The following GTF2E1 variants were observed in gnomAD, a reference collection of about 807,000 sequenced individuals.
GTF2E1 encodes general transcription factor IIE subunit 1.
In GTF2E1, 14 loss-of-function variants were observed where a neutral mutation model predicts 34.9. The ratio of observed to expected loss-of-function variants is 0.40; its 90% confidence interval spans 0.27 to 0.63. GTF2E1 has a LOEUF of 0.63. Ranked by LOEUF, GTF2E1 falls within the 20% of genes least tolerant of loss-of-function variation. GTF2E1 has a pLI of 0.39. For missense variants in GTF2E1, 469 were observed against 557.7 expected (o/e 0.84, Z 1.60); for synonymous variants, 188 against 192.9 (o/e 0.97, Z 0.21).
chr3:120,770,949 T>C lies in GTF2E1; in HGVS notation c.650+20T>C, dbSNP rs1709345907. ...ACAGAGGTGAGTGTAGGCCCTGTGC[T>C]CTTACTAAGAACACATTTCAACCTG... On this transcript the variant is annotated intron_variant, in intron 3 of 4. Coordinates refer to ENST00000283875, the MANE Select transcript of GTF2E1 (RefSeq NM_005513.3). 1 of 1,597,278 alleles carries C rather than the reference T, an allele frequency of 6.3e-7. No individual in the cohort carries two copies.
chr3:120,780,862 A>T (rs1709440638), intron 4 of GTF2E1, among the ~76,000 whole-genome samples, 181 bp from the exon 5 acceptor site: 1 of 152,224 alleles, frequency 6.6e-6, no homozygotes. Context: ...CCATTATGCT[A>T]CTTAAGCTCC....
chr3:120,778,025 G>C (rs1286228497), intron 4 of GTF2E1, among the ~76,000 whole-genome samples: 1 of 152,154 alleles, frequency 6.6e-6, no homozygotes, highest in Non-Finnish European at 1.5e-5. Flanking sequence ...TGCCCAGCCT[G>C]TTGTGTTATT....
intron 2 of GTF2E1, among the ~76,000 whole-genome samples, chr3:120,752,940 G>A (rs1709178025): frequency 6.6e-6 from 1 of 152,144 alleles, no homozygotes; most frequent in Admixed American, 6.5e-5. Flanking sequence ...ATGTCCTACA[G>A]TAAAGCCTGA....
intron 2 of GTF2E1, among the ~76,000 whole-genome samples, chr3:120,759,704 C>G (rs1709241252): frequency 6.6e-6 from 1 of 152,142 alleles, no homozygotes; most frequent in Non-Finnish European, 1.5e-5. Flanking sequence ...GAATCTTTTC[C>G]TCATTTCTTG....
intron 3 of GTF2E1, among the ~76,000 whole-genome samples, chr3:120,771,844 C>T (rs1205935027): frequency 6.6e-6 from 1 of 152,150 alleles, no homozygotes; most frequent in East Asian, 1.9e-4. Flanking sequence ...AGTTAGGATG[C>T]CTTTGCCTGT....
intron 4 of GTF2E1, among the ~76,000 whole-genome samples, chr3:120,778,720 T>A (rs1043790213): frequency 3.3e-5 from 5 of 152,192 alleles, no homozygotes; most frequent in Admixed American, 1.3e-4. Flanking sequence ...TTACTTGAGA[T>A]TTTGTTTGTT....
At chr3:120,755,365 A>G (rs1438038998) in intron 2 of GTF2E1, among the ~76,000 whole-genome samples, 1 of 152,176 alleles carries the variant, frequency 6.6e-6, no homozygotes, top group Non-Finnish European at 1.5e-5. Context: ...AACATTTAAA[A>G]ATTTTTAAGA....
intron 4 of GTF2E1, among the ~76,000 whole-genome samples, chr3:120,779,756 A>G (rs1709431393): frequency 6.6e-6 from 1 of 152,218 alleles, no homozygotes; most frequent in South Asian, 2.1e-4. Context: ...CCCCACAGTA[A>G]TCTAGTGAAG....
intron 4 of GTF2E1, among the ~76,000 whole-genome samples, chr3:120,777,884 C>T (rs1205685786): frequency 2.0e-5 from 3 of 152,146 alleles, no homozygotes; most frequent in Admixed American, 2.0e-4. Flanking sequence ...CCACCATGGC[C>T]AGCTAATTTT....
chr3:120,742,757 G>C lies in GTF2E1; in HGVS notation c.-68G>C, dbSNP rs921401274. The stretch of plus-strand genomic sequence containing the variant: ...ATTTAAGCCGGTAGTTGAAGCGCTG[G>C]GGGCAGCTGTAGTGGGAGTGTTCCA... On this transcript the variant is annotated 5_prime_UTR_variant, in exon 1 of 5. Transcript: ENST00000283875. 4 of 553,054 alleles carry C rather than the reference G, an allele frequency of 7.2e-6. No individual in the cohort carries two copies. Among genetic ancestry groups the C allele is most frequent in the African/African-American group, 3.8e-5 (2 of 52,866 alleles). 34.3% of individuals were successfully genotyped at this position (553,054 alleles called of 1,614,324 possible).
At chr3:120,767,937 C>A (rs1194161348) in intron 2 of GTF2E1, among the ~76,000 whole-genome samples, 1 of 99,014 alleles carries the variant, frequency 1.0e-5, no homozygotes, top group East Asian at 4.8e-4. Context: ...TAGTGTTGTT[C>A]TCTTTCTCTC....
Position 120,781,391 on chromosome 3 carries a change from T to A in GTF2E1, c.1241T>A (p.Leu414Gln). 1 of 1,614,006 alleles carries A rather than the reference T, an allele frequency of 6.2e-7. No individual in the cohort carries two copies. Among genetic ancestry groups the A allele is most frequent in the Non-Finnish European group, 8.5e-7 (1 of 1,179,868 alleles). ...SYSEVSQRPE[L>Q]VAQMTPEEKE... ...AGTGAAGTGAGCCAACGGCCAGAGC[T>A]AGTGGCCCAGATGACACCAGAAGAA... is the stretch of plus-strand genomic sequence containing the variant. The change falls in exon 5 of 5, where the codon CTA (leucine) becomes CAA (glutamine). Residue 414 changes from leucine to glutamine, a missense_variant. Leu to Gln is a moderately radical substitution (Grantham distance 113, BLOSUM62 -2). Coordinates refer to ENST00000283875, the MANE Select transcript of GTF2E1 (RefSeq NM_005513.3).
At position 120,770,891 on chromosome 3, in the gene GTF2E1, T is replaced by C; in HGVS notation, c.612T>C (p.Leu204=). 6.2e-7 allele frequency: 1 copy of C among 1,613,596 alleles called. No homozygotes were observed. Among genetic ancestry groups the C allele is most frequent in the South Asian group, 1.1e-5 (1 of 91,074 alleles). The change falls in exon 3 of 5, where the codon CTT becomes CTC. Residue 204 remains leucine, a synonymous_variant. Coordinates refer to ENST00000283875, the MANE Select transcript of GTF2E1 (RefSeq NM_005513.3). ...ATGTGAACTTGGCCTATGAAATACT[T>C]GAGCCAGAACCCACAGAAATCCCAG... ...TEDVNLAYEI[L]EPEPTEIPAL...
chr3:120,762,081 C>T (rs1218004429), intron 2 of GTF2E1, among the ~76,000 whole-genome samples: 11 of 152,212 alleles, frequency 7.2e-5, no homozygotes, highest in South Asian at 2.1e-4. Context: ...TGAGCTACCG[C>T]GCCTGGCCAA....
chr3:120,762,712 C>T (rs191697424), intron 2 of GTF2E1, among the ~76,000 whole-genome samples: 70 of 152,234 alleles, frequency 4.6e-4, no homozygotes, highest in Middle Eastern at 3.4e-3. Context: ...GATTCAAGAG[C>T]CCTGGCTTTT....
At position 120,761,651 on chromosome 3, in the gene GTF2E1, T is replaced by G. The variant is rs193082382; in HGVS notation, c.449-9077T>G. On this transcript the variant is annotated intron_variant, in intron 2 of 4. Coordinates refer to ENST00000283875, the MANE Select transcript of GTF2E1 (RefSeq NM_005513.3). ...GTTCTCATTGGTTTCAAAGAACATC[T>G]TTATTTCTGCCTTCATTTCATTATT... 2.5e-3 allele frequency among the ~76,000 whole-genome samples: 378 copies of G among 152,336 alleles called. 3 individuals carry two copies. The highest frequency in any genetic ancestry group is 8.3e-3 in the African/African-American group (346 of 41,568).
Position 120,750,603 on chromosome 3 carries a change from A to G in GTF2E1, c.51A>G (p.Leu17=), listed in dbSNP as rs1709156712. 6.2e-7 allele frequency: 1 copy of G among 1,613,880 alleles called. No individual in the cohort carries two copies. Among genetic ancestry groups the G allele is most frequent in the Non-Finnish European group, 8.5e-7 (1 of 1,179,908 alleles). The change falls in exon 2 of 5, where the codon TTA becomes TTG. Residue 17 remains leucine (L), a synonymous_variant. Coordinates refer to ENST00000283875, the MANE Select transcript of GTF2E1 (RefSeq NM_005513.3). ...AAGTTCCAGCAGCATTGAAGCGGTT[A>G]GCCAAGTATGTGATCCGGGGATTTT... ...LTEVPAALKR[L]AKYVIRGFYG...
rs1478976122 is a variant in GTF2E1 at position 120,782,830 on chromosome 3, G to A, written c.*1360G>A. ...GTAACCTCAGGAAACAGTTTATTTT[G>A]GGTTCTGATATGTAGCATGGTATTT... On this transcript the variant is annotated 3_prime_UTR_variant, in exon 5 of 5. Coordinates refer to ENST00000283875, the MANE Select transcript of GTF2E1 (RefSeq NM_005513.3). 1 of 152,048 alleles carries A rather than the reference G, an allele frequency of 6.6e-6. No homozygotes were observed. Among genetic ancestry groups the A allele is most frequent in the East Asian group, 1.9e-4 (1 of 5,200 alleles). The allele number at this position is 152,048 out of a possible 1,614,324, so 9.4% of individuals were successfully genotyped here.
At chr3:120,772,232 A>G (rs917847348) in intron 3 of GTF2E1, among the ~76,000 whole-genome samples, 12 of 152,104 alleles carry the variant, frequency 7.9e-5, no homozygotes, top group African/African-American at 2.9e-4. Flanking sequence ...CTGATGTCTC[A>G]CTGGCTGCAA....
Sources: allele counts gnomAD v4.1 joint callset (sites outside exome capture counted in the v4.1 genomes callset), GRCh38; gene constraint gnomAD v4.1.1; transcripts MANE v1.5; gene names NCBI Gene and HGNC (gene_info 2026-07-23, HGNC 2026-07-21).